Variants in TBL1XR1 observed in about 807,000 individuals in gnomAD.
TBL1XR1 encodes the protein F-box-like/WD repeat-containing protein TBL1XR1.
A neutral mutation model predicts 66.9 loss-of-function variants in TBL1XR1; 5 were observed. The observed-to-expected ratio is 0.07, with a 90% CI of 0.04 to 0.16. The LOEUF (loss-of-function observed/expected upper bound fraction) is 0.16, where lower values mean the gene tolerates loss of function less well. TBL1XR1 is among the 10% of genes least tolerant of loss of function. The pLI is 1.00. For synonymous variants in TBL1XR1, 210 were observed against 206.0 expected (o/e 1.02, Z -0.17); for missense variants, 238 against 623.2 (o/e 0.38, Z 6.58).
chr3:177,079,078 T>C (rs184845964), intron 2 of TBL1XR1, among the ~76,000 whole-genome samples: 228 of 152,238 alleles, frequency 1.5e-3, no homozygotes, highest in African/African-American at 5.4e-3. Context: ...GCATAGGCTA[T>C]TTTAATGGCA....
intron 1 of TBL1XR1, among the ~76,000 whole-genome samples, chr3:177,099,152 A>C (rs1723869858): frequency 1.3e-5 from 2 of 152,114 alleles, no homozygotes; most frequent in Non-Finnish European, 2.9e-5. Context: ...GGATCACCTG[A>C]GGTCAGGAAT....
At chr3:177,190,599 T>TGGG (rs1294015627) in intron 1 of TBL1XR1, among the ~76,000 whole-genome samples, 2 of 152,178 alleles carry the variant, frequency 1.3e-5, no homozygotes, top group Admixed American at 6.5e-5. Context: ...ATTACAGGCG[T>TGGG]GGGCCACCGT....
At chr3:177,027,751 T>C (rs1713352182) in intron 14 of TBL1XR1, 1 of 152,206 alleles carries the variant, frequency 6.6e-6, no homozygotes, top group Non-Finnish European at 1.5e-5. Flanking sequence ...AAATCACAGA[T>C]GCATTGGTAC....
rs1400277619 is a variant in TBL1XR1, at chr3:177,023,172, A to G, written c.*2326T>C. 1 of 152,648 alleles carries G rather than the reference A, an allele frequency of 6.6e-6. No homozygotes were observed. The highest frequency in any genetic ancestry group is 1.9e-4 in the East Asian group (1 of 5,188). 9.5% of individuals were successfully genotyped at this position (152,648 alleles called of 1,614,324 possible). On this transcript the variant is annotated 3_prime_UTR_variant, in exon 16 of 16. Transcript: ENST00000457928. ...ATGAATAAACTGTCCATATCAAAATACAAAAGTACTATCAATAATCACCTC... is the reference window on the plus strand; with the variant it reads ...ATGAATAAACTGTCCATATCAAAATGCAAAAGTACTATCAATAATCACCTC...
At chr3:177,155,879 C>T (rs1309581720) in intron 1 of TBL1XR1, among the ~76,000 whole-genome samples, 1 of 151,950 alleles carries the variant, frequency 6.6e-6, no homozygotes, top group Non-Finnish European at 1.5e-5. Context: ...CGTGGTGGCA[C>T]ATGCCTGTAA....
intron 1 of TBL1XR1, among the ~76,000 whole-genome samples, chr3:177,128,807 A>G (rs1343576847): frequency 3.3e-5 from 5 of 152,330 alleles, no homozygotes; most frequent in South Asian, 2.1e-4. Flanking sequence ...ATGTCATGAA[A>G]TATCTCTGAT....
upstream of TBL1XR1, among the ~76,000 whole-genome samples, chr3:177,197,667 G>A (rs1377967903): frequency 1.4e-5 from 2 of 142,902 alleles, no homozygotes; most frequent in Non-Finnish European, 3.1e-5. Context: ...AGGGGCCGGC[G>A]GGGGAGGGGC....
intron 1 of TBL1XR1, among the ~76,000 whole-genome samples, chr3:177,108,695 C>T (rs1725181980): frequency 6.6e-6 from 1 of 152,064 alleles, no homozygotes; most frequent in Non-Finnish European, 1.5e-5. Flanking sequence ...AAAGAATCAA[C>T]TCCCTAAGCA....
intron 10 of TBL1XR1, among the ~76,000 whole-genome samples, chr3:177,039,126 CAT>C (rs1324565680): frequency 6.6e-6 from 1 of 152,078 alleles, no homozygotes; most frequent in African/African-American, 2.4e-5. Flanking sequence ...ATATGTAAAA[CAT>C]AAATTAATTT....
At chr3:177,102,835 C>T (rs1346292030) in intron 1 of TBL1XR1, among the ~76,000 whole-genome samples, 1 of 152,116 alleles carries the variant, frequency 6.6e-6, no homozygotes, top group Non-Finnish European at 1.5e-5. Context: ...AATTATCCAC[C>T]CCACCATCCA....
At chr3:177,151,921 G>A (rs578066418) in intron 1 of TBL1XR1, among the ~76,000 whole-genome samples, 1 of 152,284 alleles carries the variant, frequency 6.6e-6, no homozygotes, top group East Asian at 1.9e-4. Context: ...CTACTCAGGA[G>A]GCTGAGGCAG....
rs527677471 is a variant in TBL1XR1 at position 177,055,274 on chromosome 3, T to C, written c.59-1356A>G. Among the ~76,000 whole-genome samples the C allele has an allele frequency of 1.2e-4, 19 of 152,238 alleles. No homozygotes were observed. The South Asian group carries it at 3.9e-3, about 32-fold the overall frequency. Reference sequence around the variant, plus strand: ...GTAGAAAATACTGTGGGCTCACAATTTCCTAGCATGTGGCTAGGAAAATTT... The same window carrying C: ...GTAGAAAATACTGTGGGCTCACAATCTCCTAGCATGTGGCTAGGAAAATTT... On this transcript the variant is annotated intron_variant, in intron 3 of 15. Coordinates refer to ENST00000457928, the MANE Select transcript of TBL1XR1 (RefSeq NM_024665.7).
chr3:177,119,910 GAA>G (rs1194151302), intron 1 of TBL1XR1, among the ~76,000 whole-genome samples: 2 of 152,178 alleles, frequency 1.3e-5, no homozygotes, highest in Admixed American at 1.3e-4. Context: ...ATTTCAGGGA[GAA>G]AGAGTTGGGA....
intron 1 of TBL1XR1, among the ~76,000 whole-genome samples, chr3:177,186,718 T>G (rs1398705078): frequency 6.6e-6 from 1 of 152,204 alleles, no homozygotes; most frequent in East Asian, 1.9e-4. Flanking sequence ...TATTACTCTA[T>G]GAAAGGCTGT....
At chr3:177,033,424 A>G (rs1401875425) in intron 13 of TBL1XR1, among the ~76,000 whole-genome samples, 1 of 152,170 alleles carries the variant, frequency 6.6e-6, no homozygotes, top group African/African-American at 2.4e-5. Context: ...GAAAACGTAA[A>G]TGTGCTCATT....
chr3:177,162,138 A>G (rs1732284544), intron 1 of TBL1XR1, among the ~76,000 whole-genome samples: 1 of 152,230 alleles, frequency 6.6e-6, no homozygotes, highest in African/African-American at 2.4e-5. Context: ...TAGAATGTTC[A>G]CAGCAGTTTT....
chr3:177,142,036 A>G (rs1209932741), intron 1 of TBL1XR1, among the ~76,000 whole-genome samples: 1 of 152,254 alleles, frequency 6.6e-6, no homozygotes, highest in Non-Finnish European at 1.5e-5. Flanking sequence ...AGTGATTGCC[A>G]GTGGCTAGAG....
intron 1 of TBL1XR1, among the ~76,000 whole-genome samples, chr3:177,155,543 G>C (rs1577332374): frequency 6.6e-6 from 1 of 152,270 alleles, no homozygotes; most frequent in South Asian, 2.1e-4. Flanking sequence ...TAAATAAATA[G>C]TCATTGTCTA....
chr3:177,117,662 T>A (rs1277595134), intron 1 of TBL1XR1, among the ~76,000 whole-genome samples: 1 of 152,196 alleles, frequency 6.6e-6, no homozygotes, highest in Non-Finnish European at 1.5e-5. Flanking sequence ...AATGAAAATG[T>A]TAACACTTTG....
Sources: allele counts gnomAD v4.1 joint callset (sites outside exome capture counted in the v4.1 genomes callset), GRCh38; gene constraint gnomAD v4.1.1; transcripts MANE v1.5; gene names NCBI Gene and HGNC (gene_info 2026-07-23, HGNC 2026-07-21).